NRG3: variants seen among roughly 807,000 people sequenced by gnomAD.
The protein encoded by NRG3 is neuregulin 3.
Under a neutral mutation model 66.9 loss-of-function variants are expected in NRG3, and 31 were observed. That is an observed-to-expected ratio of 0.46 (90% CI 0.35 to 0.63). NRG3 has a LOEUF of 0.63. NRG3 is among the 20% of genes least tolerant of loss of function. NRG3 has a pLI of 0.00. For missense variants in NRG3, 910 were observed against 878.9 expected (o/e 1.04, Z -0.45); for synonymous variants, 393 against 359.4 (o/e 1.09, Z -1.06).
intron 2 of NRG3, among the ~76,000 whole-genome samples, chr10:82,391,388 A>G (rs78074457): frequency 6.6e-6 from 1 of 152,212 alleles, no homozygotes; most frequent in Admixed American, 6.5e-5. Context: ...AAAGTAAATT[A>G]TCAGTTTAGA....
At chr10:82,850,904 T>C (rs2135830652) in intron 3 of NRG3, among the ~76,000 whole-genome samples, 1 of 152,280 alleles carries the variant, frequency 6.6e-6, no homozygotes, top group South Asian at 2.1e-4. Flanking sequence ...TAACTGGCCA[T>C]AGACATACTG....
chr10:82,883,676 C>T (rs1003777909), intron 4 of NRG3, among the ~76,000 whole-genome samples: 3 of 152,072 alleles, frequency 2.0e-5, no homozygotes, highest in Non-Finnish European at 2.9e-5. Context: ...TCTCCTTAGT[C>T]ATACTTATTA....
chr10:82,970,677 T>G (rs1851639933), intron 6 of NRG3, among the ~76,000 whole-genome samples: 1 of 152,244 alleles, frequency 6.6e-6, no homozygotes, highest in Non-Finnish European at 1.5e-5. Flanking sequence ...TATTTTGATT[T>G]ACTAATAATC....
At chr10:82,032,039 C>CCATG (rs1252904083) in intron 1 of NRG3, among the ~76,000 whole-genome samples, 1 of 151,920 alleles carries the variant, frequency 6.6e-6, no homozygotes, top group African/African-American at 2.4e-5. Context: ...AAGTAGAAAG[C>CCATG]CATGACCCCA....
chr10:82,386,791 T>C (rs2086023807), intron 2 of NRG3, among the ~76,000 whole-genome samples: 1 of 152,114 alleles, frequency 6.6e-6, no homozygotes, highest in Non-Finnish European at 1.5e-5. Context: ...TTTTCTCTTC[T>C]TTTTATTTAT....
chr10:82,420,799 A>G (rs1443786487), intron 2 of NRG3, among the ~76,000 whole-genome samples: 2 of 152,178 alleles, frequency 1.3e-5, no homozygotes, highest in African/African-American at 4.8e-5. Flanking sequence ...GACAAAAACT[A>G]TGGTATATGC....
chr10:82,674,412 A>G lies in NRG3; in HGVS notation c.954-64165A>G, dbSNP rs191921654. Among the ~76,000 whole-genome samples the G allele has an allele frequency of 7.4e-4, 112 of 152,224 alleles. 1 individual carries two copies. The highest frequency in any genetic ancestry group is 1.5e-3 in the Non-Finnish European group (99 of 68,016). ...TCCCTAGCTAAAAACCCAAACTCTT[A>G]GTTCATCTGGCCTATCTTTTTAATC... On this transcript the variant is annotated intron_variant, in intron 2 of 8. Coordinates refer to ENST00000372141, the MANE Select transcript of NRG3 (RefSeq NM_001010848.4).
intron 2 of NRG3, among the ~76,000 whole-genome samples, chr10:82,453,604 C>G (rs1213496041): frequency 6.6e-6 from 1 of 151,466 alleles, no homozygotes; most frequent in East Asian, 1.9e-4. Flanking sequence ...TGCAAGGTAT[C>G]AATGGCACCT....
rs1589431954 is a variant in NRG3, at chr10:82,238,917, T to A, written c.824-119822T>A. 2.0e-5 allele frequency among the ~76,000 whole-genome samples: 3 copies of A among 147,428 alleles called. No homozygotes were observed. The Admixed American group carries it at 2.0e-4, about 10-fold the overall frequency. ...CATTATTTTTAGGTTATACCGTATA[T>A]ATATATATATAATATTTATATAATA... On this transcript the variant is annotated intron_variant, in intron 1 of 8. Coordinates refer to ENST00000372141, the MANE Select transcript of NRG3 (RefSeq NM_001010848.4).
chr10:82,094,189 T>C (rs920383019), intron 1 of NRG3, among the ~76,000 whole-genome samples: 1 of 152,146 alleles, frequency 6.6e-6, no homozygotes, highest in Non-Finnish European at 1.5e-5. Flanking sequence ...AAGCATGAAA[T>C]TAGAAGTATA....
chr10:82,977,014 C>T (rs1215454214), intron 7 of NRG3, among the ~76,000 whole-genome samples: 3 of 152,152 alleles, frequency 2.0e-5, no homozygotes, highest in African/African-American at 7.2e-5. Context: ...AAATCTCTAA[C>T]AATGAACCAG....
chr10:82,594,004 T>C, intron 2 of NRG3, among the ~76,000 whole-genome samples: 1 of 152,140 alleles, frequency 6.6e-6, no homozygotes, highest in East Asian at 1.9e-4. Flanking sequence ...ATTCTAGAAC[T>C]GATTTTTGTT....
chr10:81,962,087 G>T (rs1448137945), intron 1 of NRG3, among the ~76,000 whole-genome samples: 1 of 152,198 alleles, frequency 6.6e-6, no homozygotes, highest in Non-Finnish European at 1.5e-5. Flanking sequence ...ATTCTGATGA[G>T]CACTAAAGGT....
chr10:82,284,007 C>T (rs1027296700), intron 1 of NRG3, among the ~76,000 whole-genome samples: 2 of 152,142 alleles, frequency 1.3e-5, no homozygotes, highest in Non-Finnish European at 1.5e-5. Context: ...GAGAGCATTG[C>T]GAGCATTGCG....
intron 1 of NRG3, among the ~76,000 whole-genome samples, chr10:82,239,593 G>A (rs929836814): frequency 6.6e-6 from 1 of 151,992 alleles, no homozygotes; most frequent in African/African-American, 2.4e-5. Flanking sequence ...TTACCTATTA[G>A]CATTATTAGT....
chr10:81,970,779 G>A (rs1268334213), intron 1 of NRG3, among the ~76,000 whole-genome samples: 1 of 152,136 alleles, frequency 6.6e-6, no homozygotes, highest in African/African-American at 2.4e-5. Context: ...GGGAGATTTA[G>A]GTTTGGTGGG....
chr10:82,554,391 G>A (rs139181329), intron 2 of NRG3, among the ~76,000 whole-genome samples: 1 of 152,182 alleles, frequency 6.6e-6, no homozygotes, highest in African/African-American at 2.4e-5. Flanking sequence ...ACTGTACCCC[G>A]TGAATACATC....
intron 3 of NRG3, among the ~76,000 whole-genome samples, chr10:82,827,513 A>T (rs2062294235): frequency 6.6e-6 from 1 of 152,152 alleles, no homozygotes; most frequent in African/African-American, 2.4e-5. Context: ...CCTGGAAAGT[A>T]TTATAATAAT....
intron 2 of NRG3, among the ~76,000 whole-genome samples, chr10:82,527,349 C>A (rs1183274348): frequency 5.9e-5 from 9 of 151,750 alleles, no homozygotes; most frequent in African/African-American, 2.2e-4. Context: ...TTGTTTAGAA[C>A]TGTGTACATA....
Sources: allele counts gnomAD v4.1 joint callset (sites outside exome capture counted in the v4.1 genomes callset), GRCh38; gene constraint gnomAD v4.1.1; transcripts MANE v1.5; gene names NCBI Gene and HGNC (gene_info 2026-07-23, HGNC 2026-07-21).